The following CREB5 variants were observed in gnomAD, a reference collection of about 807,000 sequenced individuals.
CREB5 encodes the protein cAMP responsive element binding protein 5, also known as cyclic AMP-responsive element-binding protein 5.
A neutral mutation model predicts 57.1 loss-of-function variants in CREB5; 19 were observed. The ratio of observed to expected loss-of-function variants is 0.33; its 90% CI spans 0.23 to 0.49. The LOEUF is 0.49. Ranked by LOEUF, CREB5 falls within the 20% of genes least tolerant of loss-of-function variation. The pLI is 0.99. For synonymous variants in CREB5, 238 were observed against 238.3 expected (o/e 1.00, Z 0.01); for missense variants, 579 against 671.6 (o/e 0.86, Z 1.52).
chr7:28,531,381 A>G (rs1793721961), intron 4 of CREB5, among the ~76,000 whole-genome samples: 1 of 152,104 alleles, frequency 6.6e-6, no homozygotes, highest in South Asian at 2.1e-4. Flanking sequence ...TTTGCTGGCC[A>G]TCTCTGGTGT....
chr7:28,437,140 A>G (rs1788995909), intron 1 of CREB5, among the ~76,000 whole-genome samples: 1 of 152,190 alleles, frequency 6.6e-6, no homozygotes, highest in Admixed American at 6.5e-5. Flanking sequence ...GTTAAGGGCC[A>G]TGGCTAAGGA....
At chr7:28,358,521 C>T (rs774119239) in intron 1 of CREB5, among the ~76,000 whole-genome samples, 8 of 152,216 alleles carry the variant, frequency 5.3e-5, no homozygotes, top group African/African-American at 1.7e-4. Flanking sequence ...TGGTGGTTAA[C>T]CAAAGCATGT....
chr7:28,807,447 T>C (rs1808804314), intron 8 of CREB5, among the ~76,000 whole-genome samples: 1 of 152,108 alleles, frequency 6.6e-6, no homozygotes, highest in African/African-American at 2.4e-5. Context: ...AGACTCCGTC[T>C]CAAGAAAAAA....
intron 7 of CREB5, among the ~76,000 whole-genome samples, chr7:28,761,726 G>GTA (rs761114401): frequency 6.9e-6 from 1 of 145,054 alleles, no homozygotes; most frequent in African/African-American, 2.5e-5. Flanking sequence ...TGTGAGGGAT[G>GTA]TGTGTGTGTG....
chr7:28,464,493 TTGCGTGTGTGTGTG>T (rs1265345033), intron 1 of CREB5, among the ~76,000 whole-genome samples: 5 of 107,724 alleles, frequency 4.6e-5, no homozygotes, highest in African/African-American at 1.5e-4. Flanking sequence ...TTGTGGAAAG[TTGCGTGTGTGTGTG>T]TGTGTGTGTG....
intron 5 of CREB5, among the ~76,000 whole-genome samples, chr7:28,700,959 TA>T (rs11324534): frequency 0.3 from 40,910 of 134,172 alleles, 6,369 homozygotes; most frequent in African/African-American, 0.47. Context: ...CCCAGGGATT[TA>T]AAAAAAAAAA....
intron 1 of CREB5, among the ~76,000 whole-genome samples, chr7:28,356,825 T>C (rs992320298): frequency 6.6e-6 from 1 of 152,164 alleles, no homozygotes; most frequent in African/African-American, 2.4e-5. Flanking sequence ...TGCTGCCACA[T>C]GGCACTTGTC....
intron 7 of CREB5, among the ~76,000 whole-genome samples, chr7:28,761,050 G>A (rs555494071): frequency 9.9e-5 from 15 of 152,150 alleles, no homozygotes; most frequent in Admixed American, 6.5e-4. Flanking sequence ...CGCTTCCTCC[G>A]GCTATCCACA....
chr7:28,708,242 T>C (rs562635790), intron 5 of CREB5, among the ~76,000 whole-genome samples: 2 of 152,200 alleles, frequency 1.3e-5, no homozygotes, highest in South Asian at 2.1e-4. Flanking sequence ...TCATTAAGAA[T>C]AGAACTTGAG....
At chr7:28,319,627 T>C (rs1046369635) in intron 1 of CREB5, among the ~76,000 whole-genome samples, 3 of 152,138 alleles carry the variant, frequency 2.0e-5, no homozygotes, top group African/African-American at 7.2e-5. Context: ...GCTCTACCCA[T>C]GCTCACAGCC....
chr7:28,551,388 T>G (rs1475638186), intron 4 of CREB5, among the ~76,000 whole-genome samples: 1 of 152,166 alleles, frequency 6.6e-6, no homozygotes, highest in African/African-American at 2.4e-5. Context: ...TCTTTTTCCT[T>G]TCCTCTGATG....
At chr7:28,658,418 G>A (rs79837213) in intron 5 of CREB5, among the ~76,000 whole-genome samples, 1 of 152,116 alleles carries the variant, frequency 6.6e-6, no homozygotes, top group Non-Finnish European at 1.5e-5. Flanking sequence ...TTGTTAGATC[G>A]ACTCTTATTT....
chr7:28,639,265 G>T (rs1309655526), intron 5 of CREB5, among the ~76,000 whole-genome samples: 1 of 152,092 alleles, frequency 6.6e-6, no homozygotes, highest in Non-Finnish European at 1.5e-5. Flanking sequence ...GCAAACGTGG[G>T]TCTCCTCTTA....
intron 5 of CREB5, among the ~76,000 whole-genome samples, chr7:28,637,481 AT>A (rs1798470145): frequency 6.6e-6 from 1 of 152,226 alleles, no homozygotes; most frequent in Non-Finnish European, 1.5e-5. Context: ...ATGACTGTCA[AT>A]GTGAAAGAAA....
intron 1 of CREB5, among the ~76,000 whole-genome samples, chr7:28,463,943 A>G (rs1035956829): frequency 2.7e-4 from 41 of 152,194 alleles, no homozygotes; most frequent in African/African-American, 9.6e-4. Context: ...GCCATGGCTA[A>G]AACCTTCAGT....
chr7:28,378,146 C>A (rs959759619), intron 1 of CREB5, among the ~76,000 whole-genome samples: 6 of 152,040 alleles, frequency 3.9e-5, no homozygotes, highest in African/African-American at 1.4e-4. Context: ...TTTCCATGAT[C>A]CACCTGAAAT....
chr7:28,662,920 G>A (rs1799666739), intron 5 of CREB5, among the ~76,000 whole-genome samples: 1 of 152,032 alleles, frequency 6.6e-6, no homozygotes. Context: ...GCTTAGGTGG[G>A]TGGATCACGA....
chr7:28,414,823 T>A (rs1359041734), intron 1 of CREB5, among the ~76,000 whole-genome samples: 1 of 152,096 alleles, frequency 6.6e-6, no homozygotes, highest in African/African-American at 2.4e-5. Context: ...TTTTAGAAAT[T>A]TCCAGATAGT....
chr7:28,447,428 G>A (rs61565730), intron 1 of CREB5, among the ~76,000 whole-genome samples: 47,286 of 152,074 alleles, frequency 0.31, 8,108 homozygotes, highest in African/African-American at 0.46. Context: ...ACACCGACGG[G>A]GGAGTGGGTG....
Sources: allele counts gnomAD v4.1 joint callset (sites outside exome capture counted in the v4.1 genomes callset), GRCh38; gene constraint gnomAD v4.1.1; transcripts MANE v1.5; gene names NCBI Gene and HGNC (gene_info 2026-07-23, HGNC 2026-07-21).